BMERB1: variants seen among roughly 807,000 people sequenced by gnomAD.
The protein encoded by BMERB1 is bMERB domain containing 1.
BMERB1 carries 12 observed loss-of-function variants against 23.6 expected under a neutral mutation model. The ratio of observed to expected loss-of-function variants is 0.51; its 90% CI spans 0.33 to 0.82. The LOEUF (loss-of-function observed/expected upper bound fraction) is 0.82, where lower values mean the gene tolerates loss of function less well. Among genes scored for constraint, BMERB1 ranks in the 40% least tolerant of loss-of-function variants. BMERB1 has a pLI of 0.03. For missense variants in BMERB1, 247 were observed against 255.4 expected (o/e 0.97, Z 0.22); for synonymous variants, 122 against 96.6 (o/e 1.26, Z -1.54).
chr16:15,496,296 A>G (rs962224218), intron 1 of BMERB1, among the ~76,000 whole-genome samples: 2 of 152,038 alleles, frequency 1.3e-5, no homozygotes, highest in Admixed American at 6.6e-5. Context: ...GATTGTGATA[A>G]CTGACATTCA....
intron 2 of BMERB1, among the ~76,000 whole-genome samples, chr16:15,558,124 A>G (rs140536151): frequency 1.3e-5 from 2 of 152,112 alleles, no homozygotes; most frequent in East Asian, 3.9e-4. Flanking sequence ...CCAGGATGCT[A>G]TCAAGGGTCT....
intron 1 of BMERB1, among the ~76,000 whole-genome samples, chr16:15,495,367 T>C (rs1699830586): frequency 6.6e-6 from 1 of 151,756 alleles, no homozygotes; most frequent in African/African-American, 2.4e-5. Context: ...AGCTAAGTTT[T>C]TTGTTTTTTG....
At chr16:15,517,771 T>C (rs2051782736) in intron 2 of BMERB1, among the ~76,000 whole-genome samples, 1 of 147,648 alleles carries the variant, frequency 6.8e-6, no homozygotes, top group Non-Finnish European at 1.5e-5. Context: ...TGTGTGGATG[T>C]GTGTGGATGT....
chr16:15,562,303 CAA>C (rs55709812), intron 2 of BMERB1, among the ~76,000 whole-genome samples: 9 of 79,392 alleles, frequency 1.1e-4, no homozygotes, highest in African/African-American at 3.7e-4. Flanking sequence ...AACTCTTTTT[CAA>C]AAAAAAAAAA....
intron 1 of BMERB1, among the ~76,000 whole-genome samples, chr16:15,501,869 C>A (rs2051533633): frequency 6.6e-6 from 1 of 152,088 alleles, no homozygotes; most frequent in Admixed American, 6.5e-5. Flanking sequence ...ATGCCCACCA[C>A]CCTTGGCCTC....
chr16:15,575,234 C>T (rs141902220), intron 3 of BMERB1, among the ~76,000 whole-genome samples: 122 of 152,268 alleles, frequency 8.0e-4, no homozygotes, highest in African/African-American at 2.8e-3. Flanking sequence ...CTTTATCTGA[C>T]GTCTATATGC....
At chr16:15,438,410 G>A (rs1206098160) in intron 1 of BMERB1, among the ~76,000 whole-genome samples, 1 of 151,358 alleles carries the variant, frequency 6.6e-6, no homozygotes, top group Non-Finnish European at 1.5e-5. Flanking sequence ...TTAAAACGTG[G>A]ATCCAGAGTC....
chr16:15,535,021 A>G (rs2052012182), intron 2 of BMERB1, among the ~76,000 whole-genome samples: 1 of 152,112 alleles, frequency 6.6e-6, no homozygotes, highest in Non-Finnish European at 1.5e-5. Context: ...GCTTGAGTGG[A>G]TTTCTGTTCC....
chr16:15,570,394 A>G (rs76357075), intron 3 of BMERB1, among the ~76,000 whole-genome samples: 1,648 of 152,200 alleles, frequency 0.011, 35 homozygotes, highest in East Asian at 0.091. Flanking sequence ...ACCTTCAACT[A>G]TTGACATTTG....
Position 15,519,507 on chromosome 16 carries a change from C to G in BMERB1, c.230+4079C>G, listed in dbSNP as rs536058394. Among the ~76,000 whole-genome samples, 2 of 152,148 alleles carry G rather than the reference C, an allele frequency of 1.3e-5. 1 individual carries two copies. Among genetic ancestry groups the G allele is most frequent in the Admixed American group, 1.3e-4 (2 of 15,278 alleles). ...CTGGGTTCAAGCGATTCTTGTGCCT[C>G]GGCCTTCCAAGTAGCTGAGACTACA... On this transcript the variant is annotated intron_variant, in intron 2 of 5. Coordinates refer to ENST00000300006, the MANE Select transcript of BMERB1 (RefSeq NM_033201.3).
In BMERB1 at chr16:15,587,925, C is replaced by T. The variant is rs1029090681; in HGVS notation, c.*1096C>T. 5.9e-5 allele frequency: 9 copies of T among 152,926 alleles called. No individual in the cohort carries two copies. Among genetic ancestry groups the T allele is most frequent in the Admixed American group, 2.6e-4 (4 of 15,306 alleles). 9.5% of individuals were successfully genotyped at this position (152,926 alleles called of 1,614,324 possible). A position where few individuals can be genotyped will look rare whatever the true frequency, so the allele number is the denominator to read the frequency against. On this transcript the variant is annotated 3_prime_UTR_variant, in exon 6 of 6. Coordinates refer to ENST00000300006, the MANE Select transcript of BMERB1 (RefSeq NM_033201.3). Reference sequence around the variant, plus strand: ...AACTCAAGATGCTGATGTGCAGTCACCCATCAGAGAAAATAAAAATGGAAA... The same window carrying T: ...AACTCAAGATGCTGATGTGCAGTCATCCATCAGAGAAAATAAAAATGGAAA...
Position 15,587,029 on chromosome 16 carries a change from C to T in BMERB1, c.*200C>T, listed in dbSNP as rs767448759. Reference sequence around the variant, plus strand: ...GTAGCAGTAGGGAGTCTCTCACCGTCGCATGGTCCTCCCCAGAGCATGCCG... The same window carrying T: ...GTAGCAGTAGGGAGTCTCTCACCGTTGCATGGTCCTCCCCAGAGCATGCCG... On this transcript the variant is annotated 3_prime_UTR_variant, in exon 6 of 6. Transcript: ENST00000300006. 1.4e-4 allele frequency: 81 copies of T among 560,144 alleles called. No homozygotes were observed. The highest frequency in any genetic ancestry group is 2.1e-4 in the Non-Finnish European group (67 of 316,460). The allele number at this position is 560,144 out of a possible 1,614,324, so 34.7% of individuals were successfully genotyped here. A position where few individuals can be genotyped will look rare whatever the true frequency, so the allele number is the denominator to read the frequency against.
At position 15,562,432 on chromosome 16, in the gene BMERB1, C is replaced by G. The variant is rs543022366; in HGVS notation, c.231-5551C>G. On this transcript the variant is annotated intron_variant, in intron 2 of 5. Transcript: ENST00000300006. ...CAAAACTCTGCCTCCTAATCACTAC[C>G]TGTCTCTCCTTTTGTCCTTTCTCCA... Among the ~76,000 whole-genome samples, 13 of 152,238 alleles carry G rather than the reference C, an allele frequency of 8.5e-5. No individual in the cohort carries two copies. The South Asian group carries it at 2.3e-3, about 27-fold the overall frequency.
Position 15,461,795 on chromosome 16 carries a change from G to A in BMERB1, c.106+27036G>A, listed in dbSNP as rs561253002. Among the ~76,000 whole-genome samples the A allele has an allele frequency of 1.8e-3, 276 of 152,146 alleles. 2 individuals carry two copies. The highest frequency in any genetic ancestry group is 6.5e-3 in the African/African-American group (271 of 41,520). On this transcript the variant is annotated intron_variant, in intron 1 of 5. Transcript: ENST00000300006. ...AACAAAACACAAAAATTAGCCAGGT[G>A]TGGTTGTGTGCACCTGTAGTACCAG...
intron 3 of BMERB1, among the ~76,000 whole-genome samples, chr16:15,572,848 A>T (rs1414629682): frequency 6.6e-6 from 1 of 152,134 alleles, no homozygotes; most frequent in African/African-American, 2.4e-5. Context: ...AGTTTCCCCC[A>T]TACTATTCTC....
At chr16:15,515,113 A>T (rs189882092) in intron 1 of BMERB1, among the ~76,000 whole-genome samples, 192 bp from the exon 2 acceptor site, 2 of 152,266 alleles carry the variant, frequency 1.3e-5, no homozygotes, top group Admixed American at 6.5e-5. Context: ...AACGAAGTAA[A>T]TTACTTTGGA....
intron 5 of BMERB1, among the ~76,000 whole-genome samples, chr16:15,583,467 A>G (rs2031066946): frequency 6.6e-6 from 1 of 151,166 alleles, no homozygotes; most frequent in Non-Finnish European, 1.5e-5. Flanking sequence ...AATCCCAGCT[A>G]CTCGAGAGGC....
At chr16:15,510,354 C>G (rs1380744374) in intron 1 of BMERB1, among the ~76,000 whole-genome samples, 2 of 152,162 alleles carry the variant, frequency 1.3e-5, no homozygotes, top group Non-Finnish European at 2.9e-5. Flanking sequence ...AGCTCTTTCC[C>G]TTGCCAGCGC....
At chr16:15,501,270 G>C (rs796829734) in intron 1 of BMERB1, among the ~76,000 whole-genome samples, 1 of 145,158 alleles carries the variant, frequency 6.9e-6, no homozygotes, top group African/African-American at 2.5e-5. Context: ...ATGTGCCTCC[G>C]CACCCAGCTC....
Sources: allele counts gnomAD v4.1 joint callset (sites outside exome capture counted in the v4.1 genomes callset), GRCh38; gene constraint gnomAD v4.1.1; transcripts MANE v1.5; gene names NCBI Gene and HGNC (gene_info 2026-07-23, HGNC 2026-07-21).